GRIN2B: variants seen among roughly 807,000 people sequenced by gnomAD.
The protein encoded by GRIN2B is glutamate receptor ionotropic, NMDA 2B.
A neutral mutation model predicts 114.5 loss-of-function variants in GRIN2B; 5 were observed. That is an observed-to-expected ratio of 0.04 (90% CI 0.02 to 0.09). The LOEUF (loss-of-function observed/expected upper bound fraction) is 0.09, where lower values mean the gene tolerates loss of function less well. GRIN2B is among the 10% of genes least tolerant of loss of function. GRIN2B has a pLI of 1.00. For synonymous variants in GRIN2B, 787 were observed against 745.1 expected (o/e 1.06, Z -0.92); for missense variants, 1,108 against 1,943.5 (o/e 0.57, Z 8.08).
intron 2 of GRIN2B, among the ~76,000 whole-genome samples, chr12:13,969,629 T>C (rs1867843915): frequency 6.6e-6 from 1 of 152,250 alleles, no homozygotes; most frequent in Non-Finnish European, 1.5e-5. Context: ...AGCATTTTCA[T>C]TCCACTTCTT....
intron 4 of GRIN2B, among the ~76,000 whole-genome samples, chr12:13,708,389 C>T (rs1417112454): frequency 6.6e-6 from 1 of 152,000 alleles, no homozygotes; most frequent in African/African-American, 2.4e-5. Context: ...ACGTCAAAGC[C>T]TATGTATGAA....
chr12:13,959,470 A>C (rs910089539), intron 2 of GRIN2B, among the ~76,000 whole-genome samples: 2 of 152,200 alleles, frequency 1.3e-5, no homozygotes, highest in African/African-American at 4.8e-5. Flanking sequence ...AGACAATTCC[A>C]GCAGCTGTGT....
At chr12:13,941,772 C>T (rs560581286) in intron 2 of GRIN2B, among the ~76,000 whole-genome samples, 32 of 152,204 alleles carry the variant, frequency 2.1e-4, no homozygotes, top group African/African-American at 3.6e-4. Context: ...TCTAGATCTA[C>T]GTGTGTGCAA....
rs553155227 is a variant in GRIN2B, at chr12:13,976,076, C to T, written c.-19+3852G>A. On this transcript the variant is annotated intron_variant, in intron 2 of 13. Transcript: ENST00000609686. ...ATGGATTCTGTGTAATGGCCGCAGG[C>T]ACCATTAACAGCCGCAGGTGAACCT... Among the ~76,000 whole-genome samples the T allele has an allele frequency of 2.6e-5, 4 of 152,348 alleles. No individual in the cohort carries two copies. In the South Asian group the frequency reaches 6.2e-4, roughly 24 times the overall value.
intron 4 of GRIN2B, among the ~76,000 whole-genome samples, chr12:13,712,874 T>C (rs1950426496): frequency 6.6e-6 from 1 of 151,934 alleles, no homozygotes; most frequent in African/African-American, 2.4e-5. Context: ...AGATAGCTTC[T>C]CTTGGTGTTA....
At chr12:13,795,745 T>C (rs1460823566) in intron 3 of GRIN2B, among the ~76,000 whole-genome samples, 1 of 152,110 alleles carries the variant, frequency 6.6e-6, no homozygotes, top group Non-Finnish European at 1.5e-5. Flanking sequence ...TGGAATACTA[T>C]GCAGTCATAA....
chr12:13,798,841 C>A (rs944947076), intron 3 of GRIN2B, among the ~76,000 whole-genome samples: 1 of 152,210 alleles, frequency 6.6e-6, no homozygotes, highest in Non-Finnish European at 1.5e-5. Flanking sequence ...GATCTCTGTT[C>A]TGAAGGGTCT....
chr12:13,819,779 T>A (rs1864898414), intron 3 of GRIN2B, among the ~76,000 whole-genome samples: 2 of 152,144 alleles, frequency 1.3e-5, no homozygotes, highest in South Asian at 2.1e-4. Flanking sequence ...TACAAAAAAA[T>A]CCTTTGCATA....
At chr12:13,911,748 CAGA>C (rs1866630468) in intron 2 of GRIN2B, among the ~76,000 whole-genome samples, 1 of 152,186 alleles carries the variant, frequency 6.6e-6, no homozygotes, top group Non-Finnish European at 1.5e-5. Context: ...CCAGCCCTCG[CAGA>C]AGGTGGATGA....
chr12:13,901,846 T>A (rs1443288060), intron 2 of GRIN2B, among the ~76,000 whole-genome samples: 3 of 152,166 alleles, frequency 2.0e-5, no homozygotes, highest in African/African-American at 7.2e-5. Context: ...ATAGTCTCTG[T>A]ATTTTACCTT....
At chr12:13,579,106 A>G (rs1338879571) in intron 10 of GRIN2B, among the ~76,000 whole-genome samples, 2 of 152,058 alleles carry the variant, frequency 1.3e-5, no homozygotes, top group Non-Finnish European at 2.9e-5. Flanking sequence ...GAGGAGCAAA[A>G]TGGTTTCTAG....
chr12:13,653,917 G>T (rs1295710930), intron 5 of GRIN2B, among the ~76,000 whole-genome samples: 2 of 151,956 alleles, frequency 1.3e-5, no homozygotes, highest in Non-Finnish European at 2.9e-5. Flanking sequence ...CAGGCCTATG[G>T]TTCACACTAA....
At position 13,752,383 on chromosome 12, in the gene GRIN2B, A is replaced by T. The variant is rs117614301; in HGVS notation, c.1010+934T>A. 2.0e-5 allele frequency among the ~76,000 whole-genome samples: 3 copies of T among 152,360 alleles called. No homozygotes were observed. In the East Asian group the frequency reaches 5.8e-4, roughly 29 times the overall value. On this transcript the variant is annotated intron_variant, in intron 4 of 13. Transcript: ENST00000609686. ...TGTAACATTGTGTATTTATGTCCATATAAATGTACATGCATAGAGAGATAT... is the reference window on the plus strand; with the variant it reads ...TGTAACATTGTGTATTTATGTCCATTTAAATGTACATGCATAGAGAGATAT...
chr12:13,913,824 GA>G (rs907072824), intron 2 of GRIN2B, among the ~76,000 whole-genome samples: 6 of 152,100 alleles, frequency 3.9e-5, no homozygotes, highest in Non-Finnish European at 8.8e-5. Context: ...TGTGACCTTA[GA>G]CAACTTACTT....
intron 10 of GRIN2B, among the ~76,000 whole-genome samples, chr12:13,597,276 C>A (rs770220649): frequency 6.6e-6 from 1 of 152,178 alleles, no homozygotes; most frequent in Non-Finnish European, 1.5e-5. Flanking sequence ...CCAATTTGCA[C>A]TGACTTCCCA....
intron 2 of GRIN2B, among the ~76,000 whole-genome samples, chr12:13,911,968 A>T (rs1334812406): frequency 6.6e-6 from 1 of 152,178 alleles, no homozygotes; most frequent in Non-Finnish European, 1.5e-5. Flanking sequence ...CAGAGATGAA[A>T]GCAGCCACAC....
chr12:13,744,014 T>G (rs1045813677), intron 4 of GRIN2B, among the ~76,000 whole-genome samples: 10 of 152,158 alleles, frequency 6.6e-5, no homozygotes, highest in African/African-American at 2.4e-4. Flanking sequence ...AACTTAACTT[T>G]AGAAAAAGAA....
chr12:13,744,704 A>G (rs1012504221), intron 4 of GRIN2B, among the ~76,000 whole-genome samples: 1 of 152,120 alleles, frequency 6.6e-6, no homozygotes, highest in Admixed American at 6.5e-5. Flanking sequence ...ACAAGAGGGA[A>G]CAGATTTCAG....
intron 2 of GRIN2B, among the ~76,000 whole-genome samples, chr12:13,890,643 G>A (rs12579598): frequency 0.042 from 6,459 of 152,176 alleles, 153 homozygotes; most frequent in Middle Eastern, 0.061. Flanking sequence ...GGTGCTTCAC[G>A]AAGGCTTGTT....
Sources: gnomAD v4.1 joint callset for allele counts (sites outside exome capture counted in the v4.1 genomes callset) on GRCh38, gnomAD v4.1.1 for gene constraint, MANE v1.5 for transcripts, NCBI Gene and HGNC (gene_info 2026-07-23, HGNC 2026-07-21) for gene names.